Variants in KDM5B observed in about 807,000 individuals in gnomAD.
The protein encoded by KDM5B is lysine-specific demethylase 5B.
Under a neutral mutation model 193.4 loss-of-function variants are expected in KDM5B, and 144 were observed. The observed-to-expected ratio is 0.74, with a 90% confidence interval of 0.65 to 0.86. The LOEUF (loss-of-function observed/expected upper bound fraction) is 0.86. Ranked by LOEUF, KDM5B falls within the 40% of genes least tolerant of loss-of-function variation. The pLI is 0.00. For synonymous variants in KDM5B, 668 were observed against 682.6 expected (o/e 0.98, Z 0.33); for missense variants, 1,833 against 1,886.9 (o/e 0.97, Z 0.53).
At chr1:202,808,019 C>G in intron 1 of KDM5B, 83 bp downstream of exon 1, 10 of 1,379,862 alleles carry the variant, frequency 7.2e-6, no homozygotes, top group Non-Finnish European at 9.6e-6. Context: ...CCCCGCCCCC[C>G]GCGCCTCGGG....
chr1:202,806,660 G>A (rs1225432629), intron 1 of KDM5B: 1 of 152,128 alleles, frequency 6.6e-6, no homozygotes, highest in Non-Finnish European at 1.5e-5. Flanking sequence ...ATTTGGGGCA[G>A]GGAAGGGTTA....
intron 11 of KDM5B, 44 bp downstream of exon 11, chr1:202,755,227 T>A (rs1402416350): frequency 6.7e-7 from 1 of 1,499,264 alleles, no homozygotes; most frequent in Non-Finnish European, 9.3e-7. Flanking sequence ...AGTTTTCCTA[T>A]CCAGCATGCA....
chr1:202,790,878 T>A (rs1400763995), intron 1 of KDM5B, among the ~76,000 whole-genome samples: 1 of 152,116 alleles, frequency 6.6e-6, no homozygotes, highest in Non-Finnish European at 1.5e-5. Context: ...AGTGCCTTGA[T>A]CTTAGAGTTC....
chr1:202,765,421 T>G (rs551738169), intron 5 of KDM5B, among the ~76,000 whole-genome samples: 5 of 152,330 alleles, frequency 3.3e-5, no homozygotes, highest in Non-Finnish European at 2.9e-5. Context: ...CTGTGTTTAT[T>G]CATACATTTT....
In KDM5B at chr1:202,741,514, A is replaced by G; in HGVS notation, c.2798T>C (p.Leu933Pro). Residue 933 changes from leucine (L) to proline (P), a missense_variant, in exon 19 of 27, where the codon CTT (leucine) becomes CCT (proline). Leu to Pro is a moderately conservative substitution (Grantham distance 98). Around this residue, in one of 3 missense-constraint regions of KDM5B, gnomAD observed 1,379 missense variants for 1,349.6 expected, o/e 1.02. Transcript: ENST00000367265. ...GAGACGTCTCATATCATCTAAAGTA[A>G]GGGAGCTGGGGTCTAGGCAAGCTTG... Reference protein sequence around the residue: ...VQQACLDPSSLTLDDMRRLID... With the variant: ...VQQACLDPSSPTLDDMRRLID... 1.2e-6 allele frequency: 2 copies of G among 1,614,230 alleles called. No individual in the cohort carries two copies. Among genetic ancestry groups the G allele is most frequent in the East Asian group, 4.5e-5 (2 of 44,896 alleles).
At chr1:202,736,505 C>T in intron 20 of KDM5B, 113 bp from the exon 21 acceptor site, 1 of 674,278 alleles carries the variant, frequency 1.5e-6, no homozygotes, top group Non-Finnish European at 2.2e-6. Flanking sequence ...TCCATGATCT[C>T]AACATGCTAA....
intron 4 of KDM5B, among the ~76,000 whole-genome samples, chr1:202,772,065 TG>T (rs1656743234): frequency 6.6e-6 from 1 of 152,218 alleles, no homozygotes; most frequent in Non-Finnish European, 1.5e-5. Context: ...ATGGTGTGTT[TG>T]TGTGTGTATA....
intron 16 of KDM5B, among the ~76,000 whole-genome samples, chr1:202,743,923 A>G (rs1280033552): frequency 6.6e-6 from 1 of 152,242 alleles, no homozygotes; most frequent in Non-Finnish European, 1.5e-5. Context: ...CTGTCAGGAC[A>G]TAGGCACAGG....
chr1:202,730,015 G>T lies in KDM5B; in HGVS notation c.4189C>A (p.Arg1397=). 6.2e-7 allele frequency: 1 copy of T among 1,609,764 alleles called. No individual in the cohort carries two copies. The highest frequency in any genetic ancestry group is 1.3e-5 in the African/African-American group (1 of 74,568). The stretch of plus-strand genomic sequence containing the variant: ...CTGTTAATTCCATCTCGCTTCCCTC[G>T]GCAACAGTCATTCTGGGTGGAAGAT... The part of the protein sequence containing the change: ...RPSSEKNDCC[R]GKRDGINSLE... The change falls in exon 26 of 27, where the codon CGA becomes AGA. Residue 1397 remains arginine (R), a synonymous_variant. Coordinates refer to ENST00000367265, the MANE Select transcript of KDM5B (RefSeq NM_006618.5).
intron 1 of KDM5B, among the ~76,000 whole-genome samples, chr1:202,798,500 A>G (rs1247183662): frequency 6.6e-6 from 1 of 151,842 alleles, no homozygotes; most frequent in Non-Finnish European, 1.5e-5. Flanking sequence ...TGCCTTTTCA[A>G]GTTTCACTTT....
At chr1:202,768,345 CA>C (rs889155474) in intron 4 of KDM5B, among the ~76,000 whole-genome samples, 4 of 152,064 alleles carry the variant, frequency 2.6e-5, no homozygotes, top group African/African-American at 7.2e-5. Context: ...AAGTAAGTTC[CA>C]AAAGTAACCC....
In KDM5B at chr1:202,766,037, T is replaced by C. The variant is rs191043077; in HGVS notation, c.711+889A>G. On this transcript the variant is annotated intron_variant, in intron 5 of 26. Transcript: ENST00000367265. ...CTAGCCTGGACAACACAGTGAGACC[T>C]TGTCTTTATTAAAAATTTTTTTTTA... 2.7e-3 allele frequency among the ~76,000 whole-genome samples: 411 copies of C among 152,292 alleles called. 1 individual carries two copies. Among genetic ancestry groups the C allele is most frequent in the African/African-American group, 9.2e-3 (383 of 41,568 alleles).
chr1:202,780,835 T>G (rs2102311365), intron 1 of KDM5B, among the ~76,000 whole-genome samples: 1 of 152,030 alleles, frequency 6.6e-6, no homozygotes, highest in South Asian at 2.1e-4. Context: ...AAGCTGTAAT[T>G]TTGCCATTAC....
chr1:202,733,441 C>G lies in KDM5B; in HGVS notation c.3869G>C (p.Arg1290Thr). 1 of 1,613,806 alleles carries G rather than the reference C, an allele frequency of 6.2e-7. No individual in the cohort carries two copies. The highest frequency in any genetic ancestry group is 2.2e-5 in the East Asian group (1 of 44,876). ...DRVGSGLLYS[R>T]WQASAGQVSD... ...CACCTGTCCTGCTGAGGCTTGCCAT[C>G]TGCTATATAACAGTCCTGAGCCCAC... Residue 1290 changes from arginine to threonine, a missense_variant, in exon 23 of 27, where the codon AGA (arginine) becomes ACA (threonine). By Grantham distance (71) the Arg-to-Thr change is moderately conservative. Around this residue, in one of 3 missense-constraint regions of KDM5B, gnomAD observed 1,379 missense variants for 1,349.6 expected, o/e 1.02. Transcript: ENST00000367265.
At position 202,808,109 on chromosome 1, in the gene KDM5B, G is replaced by A. The variant is rs1385888963; in HGVS notation, c.197C>T (p.Pro66Leu). ...AEQTGICKVR[P>L]PPDWQPPFAC... ...GGTGCTGGCGTGACTCACCGGCGGC[G>A]GCCGCACCTTACAGATGCCAGTCTG... The change falls in exon 1 of 27, where the codon CCG becomes CTG. Residue 66 changes from proline (P) to leucine (L), a missense_variant. Around this residue, in one of 3 missense-constraint regions of KDM5B, gnomAD observed 355 missense variants for 374.9 expected, o/e 0.95. Transcript: ENST00000367265. 1 of 1,610,648 alleles carries A rather than the reference G, an allele frequency of 6.2e-7. No homozygotes were observed. The highest frequency in any genetic ancestry group is 8.5e-7 in the Non-Finnish European group (1 of 1,178,822).
In KDM5B at chr1:202,756,529, G is replaced by C; in HGVS notation, c.1198-13C>G. The C allele has an allele frequency of 1.3e-6, 2 of 1,554,880 alleles. No individual in the cohort carries two copies. The highest frequency in any genetic ancestry group is 1.4e-5 in the African/African-American group (1 of 72,600). ...CTGTGGGGACCATCTGGAAATACAAGGAATAGAAAAAATGAGTTTCCTCAC... is the reference window on the plus strand; with the variant it reads ...CTGTGGGGACCATCTGGAAATACAACGAATAGAAAAAATGAGTTTCCTCAC... On this transcript the variant is annotated splice_polypyrimidine_tract_variant and intron_variant, in intron 9 of 26. Transcript: ENST00000367265.
chr1:202,782,710 A>G (rs1657248089), intron 1 of KDM5B, among the ~76,000 whole-genome samples: 1 of 152,250 alleles, frequency 6.6e-6, no homozygotes, highest in Non-Finnish European at 1.5e-5. Flanking sequence ...CTGGCCAAAA[A>G]GTAAAACTTG....
At chr1:202,734,403 T>C (rs1340518787) in intron 22 of KDM5B, among the ~76,000 whole-genome samples, 2 of 148,306 alleles carry the variant, frequency 1.3e-5, no homozygotes, top group Admixed American at 6.8e-5. Context: ...ACAGGTAATA[T>C]GTGTGGGTTA....
chr1:202,730,840 C>T (rs775863917), intron 25 of KDM5B, 69 bp downstream of exon 25: 15 of 1,447,730 alleles, frequency 1.0e-5, no homozygotes, highest in Middle Eastern at 2.5e-4. Flanking sequence ...GGTTATGTTT[C>T]GAGGAGTAAA....
Sources: gnomAD v4.1 joint callset for allele counts (sites outside exome capture counted in the v4.1 genomes callset) on GRCh38, gnomAD v4.1.1 for gene constraint, gnomAD v4.1.1 regional missense constraint, MANE v1.5 for transcripts, NCBI Gene and HGNC (gene_info 2026-07-23, HGNC 2026-07-21) for gene names.